The following PLCH1 variants were observed in gnomAD, a reference collection of about 807,000 sequenced individuals.
PLCH1 encodes the protein phospholipase C eta 1.
PLCH1 carries 60 observed loss-of-function variants against 126.7 expected under a neutral mutation model. That is an observed-to-expected ratio of 0.47 (90% CI 0.38 to 0.59). The LOEUF is 0.59. Among genes scored for constraint, PLCH1 ranks in the 20% least tolerant of loss-of-function variants. PLCH1 has a pLI of 0.00. For synonymous variants in PLCH1, 719 were observed against 734.9 expected (o/e 0.98, Z 0.35); for missense variants, 1,723 against 2,040.0 (o/e 0.84, Z 2.99).
intron 1 of PLCH1, among the ~76,000 whole-genome samples, chr3:155,737,961 C>G (rs1749319734): frequency 6.6e-6 from 1 of 152,158 alleles, no homozygotes; most frequent in South Asian, 2.1e-4. Context: ...GAAGTGAAGA[C>G]AGATGAAAGA....
intron 2 of PLCH1, among the ~76,000 whole-genome samples, chr3:155,608,341 A>G (rs1372219003): frequency 6.6e-6 from 1 of 152,188 alleles, no homozygotes; most frequent in Non-Finnish European, 1.5e-5. Flanking sequence ...GGACAAACAG[A>G]AATTGCTGCA....
intron 10 of PLCH1, among the ~76,000 whole-genome samples, chr3:155,542,914 T>G (rs1451417840): frequency 6.6e-6 from 1 of 151,736 alleles, no homozygotes; most frequent in Non-Finnish European, 1.5e-5. Flanking sequence ...AGACCAAAAG[T>G]AGATAAAACC....
chr3:155,530,617 C>T (rs1359264078), intron 10 of PLCH1, among the ~76,000 whole-genome samples: 1 of 152,098 alleles, frequency 6.6e-6, no homozygotes, highest in Admixed American at 6.6e-5. Flanking sequence ...TCTAACACAT[C>T]TACAGTGACT....
intron 20 of PLCH1, 58 bp downstream of exon 20, chr3:155,488,602 C>A (rs1012776584): frequency 1.5e-6 from 2 of 1,375,632 alleles, no homozygotes; most frequent in South Asian, 1.3e-5. Flanking sequence ...TCATATATTA[C>A]GTCTTCCAAA....
At chr3:155,533,837 T>A (rs499014) in intron 10 of PLCH1, among the ~76,000 whole-genome samples, 123,822 of 152,214 alleles carry the variant, frequency 0.81, 52,136 homozygotes, top group Middle Eastern at 0.95. Context: ...AACATTCAGC[T>A]CAGGCCATTG....
At chr3:155,662,711 C>T (rs1742305765) in intron 2 of PLCH1, among the ~76,000 whole-genome samples, 1 of 152,234 alleles carries the variant, frequency 6.6e-6, no homozygotes, top group East Asian at 1.9e-4. Flanking sequence ...GTCGTCCTGA[C>T]TGGAGTGCAG....
At chr3:155,686,575 T>G (rs1290766980) in intron 2 of PLCH1, among the ~76,000 whole-genome samples, 1 of 152,188 alleles carries the variant, frequency 6.6e-6, no homozygotes, top group East Asian at 1.9e-4. Flanking sequence ...GGGACTCAGT[T>G]GTCACCACTT....
At chr3:155,624,028 A>G (rs1736897806) in intron 2 of PLCH1, among the ~76,000 whole-genome samples, 1 of 152,234 alleles carries the variant, frequency 6.6e-6, no homozygotes, top group African/African-American at 2.4e-5. Context: ...CGAATCCAAC[A>G]GCACATCAAA....
chr3:155,458,651 G>A (rs1336712241), intron 21 of PLCH1, among the ~76,000 whole-genome samples: 3 of 152,078 alleles, frequency 2.0e-5, no homozygotes, highest in Non-Finnish European at 4.4e-5. Flanking sequence ...TGGAAATGTG[G>A]ACTTCAAATA....
At chr3:155,556,556 G>C (rs992651995) in intron 8 of PLCH1, among the ~76,000 whole-genome samples, 4 of 152,152 alleles carry the variant, frequency 2.6e-5, no homozygotes, top group Non-Finnish European at 4.4e-5. Flanking sequence ...AATGAGGCTT[G>C]GCTATGATGT....
intron 8 of PLCH1, among the ~76,000 whole-genome samples, chr3:155,559,803 A>T (rs1007218632): frequency 6.6e-6 from 1 of 152,214 alleles, no homozygotes; most frequent in Middle Eastern, 3.2e-3. Context: ...AACAGGAAGT[A>T]AGAAGGTACA....
chr3:155,504,407 A>C (rs550536895), intron 13 of PLCH1, 148 bp downstream of exon 13: 30 of 544,560 alleles, frequency 5.5e-5, no homozygotes, highest in African/African-American at 4.5e-4. Flanking sequence ...CTTAACTTTT[A>C]AAGTAGTTTA....
At chr3:155,744,139 G>A (rs1445983934) in intron 1 of PLCH1, among the ~76,000 whole-genome samples, 5 of 152,132 alleles carry the variant, frequency 3.3e-5, no homozygotes, top group Non-Finnish European at 7.4e-5. Context: ...CGTCGCAGAC[G>A]CTCAACAGGG....
At chr3:155,684,731 C>T (rs1429148946) in intron 2 of PLCH1, among the ~76,000 whole-genome samples, 1 of 152,166 alleles carries the variant, frequency 6.6e-6, no homozygotes, top group Non-Finnish European at 1.5e-5. Context: ...GCTCACAGTA[C>T]TATCACAACA....
At chr3:155,726,923 C>A (rs148731153) in intron 1 of PLCH1, among the ~76,000 whole-genome samples, 1 of 147,588 alleles carries the variant, frequency 6.8e-6, no homozygotes, top group African/African-American at 2.5e-5. Context: ...GGTTTCACCA[C>A]GTTGGCCAGG....
chr3:155,533,076 C>A (rs1422886223), intron 10 of PLCH1, among the ~76,000 whole-genome samples: 3 of 152,196 alleles, frequency 2.0e-5, no homozygotes, highest in African/African-American at 4.8e-5. Context: ...TTTTTGGGAA[C>A]TGGAGCAAAG....
At chr3:155,581,035 C>T (rs1294515425) in intron 6 of PLCH1, among the ~76,000 whole-genome samples, 1 of 152,196 alleles carries the variant, frequency 6.6e-6, no homozygotes, top group Non-Finnish European at 1.5e-5. Context: ...ATTTCAATCT[C>T]ATTAATAGCG....
intron 2 of PLCH1, among the ~76,000 whole-genome samples, chr3:155,637,667 A>G (rs182834074): frequency 6.6e-6 from 1 of 152,304 alleles, no homozygotes; most frequent in East Asian, 1.9e-4. Context: ...TCTACAGAGG[A>G]CAGGACAAAC....
chr3:155,490,848 T>C lies in PLCH1; in HGVS notation c.2328A>G (p.Glu776=). Residue 776 remains glutamate (E), a synonymous_variant, in exon 19 of 23, where the codon GAA becomes GAG. Transcript: ENST00000460012. ...DRGEIIDPFV[E]VEIIGLPVDC... ...CTACTGGCAATCCAATAATTTCAAC[T>C]TCAACAAAAGGGTCAATGATCTATT... 6.3e-7 allele frequency: 1 copy of C among 1,584,860 alleles called. No individual in the cohort carries two copies. Among genetic ancestry groups the C allele is most frequent in the Non-Finnish European group, 8.7e-7 (1 of 1,153,860 alleles).
Sources: gnomAD v4.1 joint callset for allele counts (sites outside exome capture counted in the v4.1 genomes callset) on GRCh38, gnomAD v4.1.1 for gene constraint, MANE v1.5 for transcripts, NCBI Gene and HGNC (gene_info 2026-07-23, HGNC 2026-07-21) for gene names.